Variants in CHD8 observed in about 807,000 individuals in gnomAD.
CHD8 encodes chromodomain helicase DNA binding protein 8.
A neutral mutation model predicts 279.2 loss-of-function variants in CHD8; 31 were observed. The ratio of observed to expected loss-of-function variants is 0.11; its 90% CI spans 0.08 to 0.15. The LOEUF is 0.15. Among genes scored for constraint, CHD8 ranks in the 10% least tolerant of loss-of-function variants. The pLI is 1.00. For synonymous variants in CHD8, 1,081 were observed against 1,139.6 expected, an observed-to-expected ratio of 0.95 and a Z score of 1.04; for missense variants, 2,146 against 3,230.5, an observed-to-expected ratio of 0.66 and a Z score of 8.14.
chr14:21,407,012 T>G lies in CHD8; in HGVS notation c.2751A>C (p.Ala917=), dbSNP rs1277664000. Residue 917 remains alanine (A), a synonymous_variant, in exon 14 of 38, where the codon GCA becomes GCC. Coordinates refer to ENST00000646647, the MANE Select transcript of CHD8 (RefSeq NM_001170629.2). The part of the protein sequence containing the change: ...KDSRGRLIPG[A]YKFDALITTF... ...TGGTGATCAGAGCGTCAAACTTGTA[T>G]GCGCCTGGGATGAGGCGTCCCTAAG... 1.9e-6 allele frequency: 3 copies of G among 1,590,208 alleles called. No individual in the cohort carries two copies. The highest frequency in any genetic ancestry group is 1.7e-4 in the Middle Eastern group (1 of 6,024).
In CHD8 at chr14:21,428,949, A is replaced by G. The variant is rs746795552; in HGVS notation, c.1215+15T>C. 16 of 1,613,484 alleles carry G rather than the reference A, an allele frequency of 9.9e-6. No individual in the cohort carries two copies. The East Asian group carries it at 3.3e-4, about 34-fold the overall frequency. ...TTTTGTTTTCTTTCTTTTCCTTACT[A>G]TGTAAGTCTCTCACCTGTGGCTGCA... On this transcript the variant is annotated intron_variant, in intron 3 of 37. Transcript: ENST00000646647.
At chr14:21,392,252 G>A (rs928196951) in intron 34 of CHD8, 1 of 758,790 alleles carries the variant, frequency 1.3e-6, no homozygotes, top group African/African-American at 1.7e-5. Flanking sequence ...TCATCACAGG[G>A]GCAAAATCCT....
chr14:21,387,960 T>C (rs1386781356), intron 37 of CHD8, among the ~76,000 whole-genome samples: 2 of 152,168 alleles, frequency 1.3e-5, no homozygotes, highest in Admixed American at 1.3e-4. Context: ...AAAGCCCTTC[T>C]TACAGGCTGC....
chr14:21,447,373 CTTTT>C (rs773145515), intron 1 of CHD8, among the ~76,000 whole-genome samples: 4 of 141,288 alleles, frequency 2.8e-5, no homozygotes, highest in Non-Finnish European at 4.7e-5. Context: ...CACTATATCC[CTTTT>C]TTTTTTTTTT....
At chr14:21,429,936 T>C (rs573487374) in intron 2 of CHD8, 1 of 164,854 alleles carries the variant, frequency 6.1e-6, no homozygotes, top group East Asian at 1.7e-4. Flanking sequence ...CCTGATAGAA[T>C]CTTTTCTATA....
intron 1 of CHD8, among the ~76,000 whole-genome samples, chr14:21,432,250 T>C (rs1026795657): frequency 2.0e-5 from 3 of 152,230 alleles, no homozygotes; most frequent in South Asian, 4.1e-4. Context: ...AGTGACTCTA[T>C]AGATAAAGGT....
In CHD8 at chr14:21,426,151, C is replaced by T; in HGVS notation, c.1693G>A (p.Glu565Lys). 1 of 1,608,428 alleles carries T rather than the reference C, an allele frequency of 6.2e-7. No homozygotes were observed. The highest frequency in any genetic ancestry group is 8.5e-7 in the Non-Finnish European group (1 of 1,175,570). ...ACCTGAATGCTGCTTTCTTCATCTT[C>T]TCGAGGTGACTGTGCAGGCATGACT... ...VEVMPAQSPR[E>K]DEESSIQKRR... is the part of the protein sequence containing the mutation. Residue 565 changes from glutamate to lysine, a missense_variant, in exon 5 of 38, where the codon GAA becomes AAA. By Grantham distance (56) the Glu-to-Lys change is moderately conservative. Around this residue, in one of 26 missense-constraint regions of CHD8, gnomAD observed 123 missense variants for 169.2 expected, o/e 0.73. Transcript: ENST00000646647.
At chr14:21,430,602 A>C in intron 2 of CHD8, 199 bp downstream of exon 2, 13 of 545,460 alleles carry the variant, frequency 2.4e-5, no homozygotes, top group East Asian at 3.1e-5. Context: ...AATGTGTAGT[A>C]AGAGCTCAAA....
chr14:21,406,787 TATTTTA>T, intron 14 of CHD8, 63 bp downstream of exon 14: 1 of 1,374,834 alleles, frequency 7.3e-7, no homozygotes, highest in Non-Finnish European at 9.9e-7. Flanking sequence ...AAACTAGGGT[TATTTTA>T]ATACCGCAAG....
At position 21,393,322 on chromosome 14, in the gene CHD8, T is replaced by C. The variant is rs1887631370; in HGVS notation, c.6320-68A>G. 5.0e-6 allele frequency: 8 copies of C among 1,585,504 alleles called. No homozygotes were observed. In the South Asian group the frequency reaches 6.8e-5, roughly 14 times the overall value. The stretch of plus-strand genomic sequence containing the variant: ...ATAATGTCATATGGTAATGGTATTA[T>C]ATGGGCTTTGAATAAAGGCCCAAAG... On this transcript the variant is annotated intron_variant, in intron 32 of 37. Coordinates refer to ENST00000646647, the MANE Select transcript of CHD8 (RefSeq NM_001170629.2).
At chr14:21,454,714 G>A (rs1476407774) in intron 1 of CHD8, among the ~76,000 whole-genome samples, 2 of 152,004 alleles carry the variant, frequency 1.3e-5, no homozygotes, top group African/African-American at 2.4e-5. Context: ...CCACTGACAC[G>A]CCTCTCTTGC....
intron 1 of CHD8, among the ~76,000 whole-genome samples, chr14:21,443,480 A>G (rs755373338): frequency 1.2e-4 from 18 of 152,174 alleles, no homozygotes; most frequent in Non-Finnish European, 1.9e-4. Context: ...AAGACAGTGC[A>G]GTGTCACAGA....
intron 7 of CHD8, chr14:21,415,270 T>A: frequency 2.4e-6 from 1 of 410,178 alleles, no homozygotes; most frequent in Non-Finnish European, 4.3e-6. Context: ...AACTACACCT[T>A]AGCAATATAT....
chr14:21,431,928 T>G (rs1005001016), intron 1 of CHD8, 70 bp from the exon 2 acceptor site: 6 of 940,416 alleles, frequency 6.4e-6, no homozygotes, highest in Admixed American at 5.5e-5. Context: ...TTTTCCCTTC[T>G]TACGTACTGT....
chr14:21,388,608 T>A (rs1266779274), intron 37 of CHD8, among the ~76,000 whole-genome samples: 1 of 152,160 alleles, frequency 6.6e-6, no homozygotes, highest in African/African-American at 2.4e-5. Flanking sequence ...TCCTCCTGCC[T>A]CAGCTTCCAC....
At position 21,408,573 on chromosome 14, in the gene CHD8, G is replaced by GAAA. The variant is rs111776414; in HGVS notation, c.2487-21_2487-19dup. Reference sequence around the variant, plus strand: ...AGTTCTGCCTGCAGATTCACCATGGGAAAAAAAAAATGTTAAAAGATACTA... The same window carrying GAAA: ...AGTTCTGCCTGCAGATTCACCATGGGAAAAAAAAAAAAATGTTAAAAGATACTA... On this transcript the variant is annotated intron_variant, in intron 12 of 37. Coordinates refer to ENST00000646647, the MANE Select transcript of CHD8 (RefSeq NM_001170629.2). The surrounding 1 kb of genome is among the most constrained non-coding windows in gnomAD (Gnocchi z 4.3). 6 of 1,481,786 alleles carry GAAA rather than the reference G, an allele frequency of 4.0e-6. No individual in the cohort carries two copies. In the African/African-American group the frequency reaches 7.2e-5, roughly 18 times the overall value. 91.8% of individuals were successfully genotyped at this position (1,481,786 alleles called of 1,614,324 possible).
At chr14:21,404,914 CTCT>C in intron 16 of CHD8, 1 of 307,052 alleles carries the variant, frequency 3.3e-6, no homozygotes, top group Non-Finnish European at 6.0e-6. Context: ...TCACTGCAAC[CTCT>C]GCCTTCTGGG....
intron 1 of CHD8, among the ~76,000 whole-genome samples, chr14:21,446,517 C>T (rs1890125678): frequency 6.6e-6 from 1 of 152,100 alleles, no homozygotes; most frequent in South Asian, 2.1e-4. Flanking sequence ...CGCCATGTTG[C>T]CCAGGCTGGT....
In CHD8 at chr14:21,449,413, A is replaced by G. The variant is rs1318151651; in HGVS notation, c.-216+6619T>C. Among the ~76,000 whole-genome samples the G allele has an allele frequency of 1.7e-4, 26 of 152,236 alleles. 1 individual carries two copies. On this transcript the variant is annotated intron_variant, in intron 1 of 37. Transcript: ENST00000646647. ...AAAGGAATTTATTATTCTCCATCCA[A>G]TATCTTAAAACAGTACCACTGAAGG... is the stretch of plus-strand genomic sequence containing the variant.
Sources: allele counts gnomAD v4.1 joint callset (sites outside exome capture counted in the v4.1 genomes callset), GRCh38; gene constraint gnomAD v4.1.1; regional missense constraint gnomAD v4.1.1; non-coding constraint Gnocchi (gnomAD v3.1); transcripts MANE v1.5; gene names NCBI Gene and HGNC (gene_info 2026-07-23, HGNC 2026-07-21).